Variants in GPR18 observed in about 807,000 individuals in gnomAD.
GPR18 encodes the protein G protein-coupled receptor 18.
In GPR18, 20 loss-of-function variants were observed where a neutral mutation model predicts 22.8. The ratio of observed to expected loss-of-function variants is 0.88; its 90% CI spans 0.62 to 1.28. The LOEUF (loss-of-function observed/expected upper bound fraction) is 1.28, where lower values mean the gene tolerates loss of function less well. GPR18 is among the 50% of genes most tolerant of loss of function. The pLI is 0.00. For synonymous variants in GPR18, 160 were observed against 155.3 expected, an observed-to-expected ratio of 1.03 and a Z score of -0.22; for missense variants, 379 against 412.0, an observed-to-expected ratio of 0.92 and a Z score of 0.69.
chr13:99,257,928 T>A (rs1162987514), intron 1 of GPR18, among the ~76,000 whole-genome samples: 1 of 152,156 alleles, frequency 6.6e-6, no homozygotes, highest in Non-Finnish European at 1.5e-5. Flanking sequence ...ACATAGTTTG[T>A]TATGTTTATT....
chr13:99,256,679 G>A (rs1005454399), intron 1 of GPR18, among the ~76,000 whole-genome samples: 5 of 149,276 alleles, frequency 3.3e-5, no homozygotes, highest in Non-Finnish European at 7.4e-5. Flanking sequence ...GTAACTTGAT[G>A]TGTATGTAGA....
intron 1 of GPR18, among the ~76,000 whole-genome samples, chr13:99,257,646 G>A (rs1269178205): frequency 1.3e-5 from 2 of 152,094 alleles, no homozygotes; most frequent in African/African-American, 4.8e-5. Context: ...AAAAGTGATT[G>A]ACTTTAAAGT....
chr13:99,256,000 T>A, intron 1 of GPR18, 94 bp from the exon 2 acceptor site: 1 of 829,684 alleles, frequency 1.2e-6, no homozygotes, highest in Non-Finnish European at 1.9e-6. Context: ...CAGTGAATTT[T>A]AAGTTCGAGA....
intron 1 of GPR18, chr13:99,256,439 C>G (rs1326643533): frequency 1.3e-5 from 2 of 152,052 alleles, no homozygotes; most frequent in African/African-American, 4.8e-5. Flanking sequence ...TTCTAGTGCA[C>G]AATTGGGAGT....
At position 99,255,459 on chromosome 13, in the gene GPR18, G is replaced by A. The variant is rs374299759; in HGVS notation, c.414C>T (p.Ala138=). The A allele has an allele frequency of 8.7e-6, 14 of 1,613,974 alleles. No homozygotes were observed. The highest frequency in any genetic ancestry group is 1.1e-5 in the Non-Finnish European group (13 of 1,180,042). The change falls in exon 2 of 2, where the codon GCC becomes GCT. Residue 138 remains alanine, a synonymous_variant. Coordinates refer to ENST00000397470, the MANE Select transcript of GPR18 (RefSeq NM_001098200.2). The stretch of plus-strand genomic sequence containing the variant: ...TCCAGACTCCCACACACGCCAGCAC[G>A]GCTTTGCACGTGTTTTTAAGTTCTT... ...YAKELKNTCK[A]VLACVGVWIM... is the part of the protein sequence containing the mutation.
chr13:99,254,880 T>C lies in GPR18; in HGVS notation c.993A>G (p.Leu331=). 1 of 1,607,502 alleles carries C rather than the reference T, an allele frequency of 6.2e-7. No individual in the cohort carries two copies. The highest frequency in any genetic ancestry group is 8.5e-7 in the Non-Finnish European group (1 of 1,176,364). Residue 331 remains leucine, a synonymous_variant, in exon 2 of 2, where the codon TTA becomes TTG. Coordinates refer to ENST00000397470, the MANE Select transcript of GPR18 (RefSeq NM_001098200.2). ...TGAAATGAAAGAACCTTATTATTCA[T>C]AACATTTCACTGTTTATATTGCTTA... The part of the protein sequence containing the change: ...RSLSNINSEM[L]
At position 99,255,489 on chromosome 13, in the gene GPR18, G is replaced by T. The variant is rs367651389; in HGVS notation, c.384C>A (p.Tyr128Ter). 2 of 1,614,010 alleles carry T rather than the reference G, an allele frequency of 1.2e-6. No individual in the cohort carries two copies. The highest frequency in any genetic ancestry group is 1.1e-5 in the South Asian group (1 of 91,074). ...DRYMAIVQPK[Y>*]AKELKNTCKA... ...TGCACGTGTTTTTAAGTTCTTTGGCGTACTTCGGCTGTACAATGGCCATGT... is the reference window on the plus strand; with the variant it reads ...TGCACGTGTTTTTAAGTTCTTTGGCTTACTTCGGCTGTACAATGGCCATGT... The change falls in exon 2 of 2, where the codon TAC becomes TAA. Residue 128 changes from tyrosine to a stop codon, truncating the protein, a stop_gained. Coordinates refer to ENST00000397470, the MANE Select transcript of GPR18 (RefSeq NM_001098200.2). LOFTEE classifies it high-confidence loss of function.
intron 1 of GPR18, among the ~76,000 whole-genome samples, chr13:99,257,791 A>G (rs1400446176): frequency 3.9e-5 from 6 of 152,234 alleles, no homozygotes. Flanking sequence ...ATTTACCATA[A>G]ACATTTTCTT....
At position 99,254,820 on chromosome 13, in the gene GPR18, G is replaced by A. The variant is rs1566470066; in HGVS notation, c.*57C>T. ...AGTATTATACAGAATATCCATTGAC[G>A]CCAGAGTAGTTAGTGAAGTGAATTT... On this transcript the variant is annotated 3_prime_UTR_variant, in exon 2 of 2. Coordinates refer to ENST00000397470, the MANE Select transcript of GPR18 (RefSeq NM_001098200.2). The A allele has an allele frequency of 4.5e-6, 6 of 1,340,624 alleles. No individual in the cohort carries two copies. Among genetic ancestry groups the A allele is most frequent in the Non-Finnish European group, 3.1e-6 (3 of 958,712 alleles). 83.0% of individuals were successfully genotyped at this position (1,340,624 alleles called of 1,614,324 possible).
In GPR18 at chr13:99,255,034, C is replaced by G. The variant is rs777935684; in HGVS notation, c.839G>C (p.Cys280Ser). The change falls in exon 2 of 2, where the codon TGT (cysteine) becomes TCT (serine). Residue 280 changes from cysteine (C) to serine (S), a missense_variant. By Grantham distance (112) the Cys-to-Ser change is moderately radical (BLOSUM62 -1). Transcript: ENST00000397470. ...FTTFLMNLSTCLDVILYYIVS... is the reference protein window; with the variant it reads ...FTTFLMNLSTSLDVILYYIVS... ...GATGTAGTAGAGAATCACATCCAGA[C>G]ACGTGCTGAGGTTCATGAGGAAGGT... The G allele has an allele frequency of 4.3e-6, 7 of 1,614,022 alleles. No homozygotes were observed. The East Asian group carries it at 1.6e-4, about 36-fold the overall frequency.
In GPR18 at chr13:99,255,747, A is replaced by G; in HGVS notation, c.126T>C (p.Thr42=). Residue 42 remains threonine (T), a synonymous_variant, in exon 2 of 2, where the codon ACT becomes ACC. Coordinates refer to ENST00000397470, the MANE Select transcript of GPR18 (RefSeq NM_001098200.2). ...IFIIGLFVNI[T]ALWVFSCTTK... ...TGGTACAACTGAAAACCCATAATGCAGTGATGTTAACAAATAATCCAATTA... is the reference window on the plus strand; with the variant it reads ...TGGTACAACTGAAAACCCATAATGCGGTGATGTTAACAAATAATCCAATTA... The G allele has an allele frequency of 6.2e-7, 1 of 1,614,084 alleles. No homozygotes were observed. Among genetic ancestry groups the G allele is most frequent in the African/African-American group, 1.3e-5 (1 of 75,034 alleles).
chr13:99,255,026 C>T lies in GPR18; in HGVS notation c.847G>A (p.Val283Met). 1 of 1,614,172 alleles carries T rather than the reference C, an allele frequency of 6.2e-7. No individual in the cohort carries two copies. The highest frequency in any genetic ancestry group is 8.5e-7 in the Non-Finnish European group (1 of 1,180,032). ...TTTGAAACGATGTAGTAGAGAATCA[C>T]ATCCAGACACGTGCTGAGGTTCATG... ...FLMNLSTCLD[V>M]ILYYIVSKQF... The change falls in exon 2 of 2, where the codon GTG (valine) becomes ATG (methionine). Residue 283 changes from valine to methionine, a missense_variant. Physicochemically the swap from Val to Met is conservative, Grantham distance 21. Coordinates refer to ENST00000397470, the MANE Select transcript of GPR18 (RefSeq NM_001098200.2).
At position 99,255,077 on chromosome 13, in the gene GPR18, G is replaced by A. The variant is rs540457420; in HGVS notation, c.796C>T (p.Pro266Ser). 5 of 1,614,094 alleles carry A rather than the reference G, an allele frequency of 3.1e-6. 1 individual carries two copies. In the Admixed American group the frequency reaches 8.3e-5, roughly 27 times the overall value. ...AGGAAGGTGGTAAAGGCTCCCCAGGGATTGTAACTGTTCTCCCCCGTTCCC... is the reference window on the plus strand; with the variant it reads ...AGGAAGGTGGTAAAGGCTCCCCAGGAATTGTAACTGTTCTCCCCCGTTCCC... ...MLGTGENSYN[P>S]WGAFTTFLMN... The change falls in exon 2 of 2, where the codon CCC becomes TCC. Residue 266 changes from proline to serine, a missense_variant. Transcript: ENST00000397470.
At chr13:99,257,892 A>G (rs992991682) in intron 1 of GPR18, among the ~76,000 whole-genome samples, 6 of 152,250 alleles carry the variant, frequency 3.9e-5, no homozygotes, top group East Asian at 1.9e-4. Flanking sequence ...AGATGATTAT[A>G]TAGCCTATTT....
At chr13:99,256,037 G>A (rs1389154791) in intron 1 of GPR18, 131 bp from the exon 2 acceptor site, 7 of 594,680 alleles carry the variant, frequency 1.2e-5, no homozygotes, top group East Asian at 3.0e-5. Flanking sequence ...CGATTCAACT[G>A]GTTAACTACT....
Position 99,255,752 on chromosome 13 carries a change from T to A in GPR18, c.121A>T (p.Ile41Phe). 1.2e-6 allele frequency: 2 copies of A among 1,614,044 alleles called. No individual in the cohort carries two copies. The highest frequency in any genetic ancestry group is 1.7e-6 in the Non-Finnish European group (2 of 1,179,974). The change falls in exon 2 of 2, where the codon ATC becomes TTC. Residue 41 changes from isoleucine (I) to phenylalanine (F), a missense_variant. Coordinates refer to ENST00000397470, the MANE Select transcript of GPR18 (RefSeq NM_001098200.2). ...CAACTGAAAACCCATAATGCAGTGA[T>A]GTTAACAAATAATCCAATTATGAAG... ...CIFIIGLFVNITALWVFSCTT... is the reference protein window; with the variant it reads ...CIFIIGLFVNFTALWVFSCTT...
chr13:99,255,895 G>T lies in GPR18; in HGVS notation c.-23C>A, dbSNP rs770586841. On this transcript the variant is annotated 5_prime_UTR_variant, in exon 2 of 2. Coordinates refer to ENST00000397470, the MANE Select transcript of GPR18 (RefSeq NM_001098200.2). ...CATTTTACAGCTTGTTGGTAGGCAT[G>T]ATACTTAGAAACTGTAAAAATAGTT... 1 of 1,512,332 alleles carries T rather than the reference G, an allele frequency of 6.6e-7. No individual in the cohort carries two copies. Among genetic ancestry groups the T allele is most frequent in the Non-Finnish European group, 8.8e-7 (1 of 1,132,740 alleles). 93.7% of individuals were successfully genotyped at this position (1,512,332 alleles called of 1,614,324 possible). A position where few individuals can be genotyped will look rare whatever the true frequency, so the allele number is the denominator to read the frequency against.
rs2043531692 is a variant in GPR18 at position 99,255,417 on chromosome 13, C to T, written c.456G>A (p.Thr152=). Residue 152 remains threonine, a synonymous_variant, in exon 2 of 2, where the codon ACG becomes ACA. Coordinates refer to ENST00000397470, the MANE Select transcript of GPR18 (RefSeq NM_001098200.2). ...TATAGAGCAGTAGCAGAGGGGTGGT[C>T]GTGGTCAGGGTCATTATCCAGACTC... ...CVGVWIMTLT[T]TTPLLLLYKD... is the part of the protein sequence containing the mutation. 3.7e-6 allele frequency: 6 copies of T among 1,613,926 alleles called. No homozygotes were observed. Among genetic ancestry groups the T allele is most frequent in the East Asian group, 2.2e-5 (1 of 44,872 alleles).
intron 1 of GPR18, 72 bp from the exon 2 acceptor site, chr13:99,255,978 C>T: frequency 9.3e-7 from 1 of 1,071,300 alleles, no homozygotes; most frequent in Non-Finnish European, 1.3e-6. Context: ...TTCTCCCACT[C>T]AGCTTGACTG....
Sources: gnomAD v4.1 joint callset for allele counts (sites outside exome capture counted in the v4.1 genomes callset) on GRCh38, gnomAD v4.1.1 for gene constraint, MANE v1.5 for transcripts, NCBI Gene and HGNC (gene_info 2026-07-23, HGNC 2026-07-21) for gene names.